RBBP6: variants seen among roughly 807,000 people sequenced by gnomAD.
RBBP6 encodes RB binding protein 6, ubiquitin ligase, also known as E3 ubiquitin-protein ligase RBBP6.
RBBP6 carries 25 observed loss-of-function variants against 167.7 expected under a neutral mutation model. That is an observed-to-expected ratio of 0.15 (90% CI 0.11 to 0.21). RBBP6 has a LOEUF of 0.21. RBBP6 is among the 10% of genes least tolerant of loss of function. The probability of loss-of-function intolerance (pLI) is 1.00; values close to 1 mark genes in which losing one functional copy is unlikely to be tolerated. For missense variants in RBBP6, 1,868 were observed against 2,134.2 expected, an observed-to-expected ratio of 0.88 and a Z score of 2.46; for synonymous variants, 789 against 735.8, an observed-to-expected ratio of 1.07 and a Z score of -1.17.
chr16:24,563,487 T>G lies in RBBP6; in HGVS notation c.1451T>G (p.Leu484Trp). Reference protein sequence around the residue: ...LLGQSLLHGQLIPTTGPVRIN... With the variant: ...LLGQSLLHGQWIPTTGPVRIN... ...GGACAGTCATTATTGCATGGACAGT[T>G]GATCCCCACAACTGGTGAGTAAGAT... Residue 484 changes from leucine to tryptophan, a missense_variant, in exon 12 of 18, where the codon TTG (leucine) becomes TGG (tryptophan). Leu to Trp is a moderately conservative substitution (Grantham distance 61). Transcript: ENST00000319715. 2 of 1,613,690 alleles carry G rather than the reference T, an allele frequency of 1.2e-6. No individual in the cohort carries two copies. The highest frequency in any genetic ancestry group is 1.7e-6 in the Non-Finnish European group (2 of 1,179,928).
chr16:24,559,428 T>G, intron 7 of RBBP6, 77 bp from the exon 8 acceptor site: 2 of 1,226,176 alleles, frequency 1.6e-6, no homozygotes, highest in Non-Finnish European at 2.3e-6. Flanking sequence ...TGTGTTCCCA[T>G]TATGTTATAG....
chr16:24,567,210 A>G lies in RBBP6; in HGVS notation c.1657A>G (p.Thr553Ala), dbSNP rs1899216107. Residue 553 changes from threonine to alanine, a missense_variant, in exon 15 of 18, where the codon ACT (threonine) becomes GCT (alanine). Thr to Ala is a moderately conservative substitution (Grantham distance 58). Transcript: ENST00000319715. ...QRTQGPSLPA[T>A]PVFVPVPPPP... ...GACTCAAGGCCCGTCACTACCAGCA[A>G]CTCCAGTCTTTGTACCTGTTCCACC... 1.2e-6 allele frequency: 2 copies of G among 1,613,754 alleles called. No individual in the cohort carries two copies. The highest frequency in any genetic ancestry group is 1.7e-6 in the Non-Finnish European group (2 of 1,179,808).
chr16:24,548,030 TCA>T (rs1898702594), intron 2 of RBBP6, among the ~76,000 whole-genome samples: 1 of 138,892 alleles, frequency 7.2e-6, no homozygotes, highest in South Asian at 2.3e-4. Context: ...AAATCAAAGC[TCA>T]GTTTTTTTTT....
At chr16:24,549,217 A>G (rs1413864831) in intron 3 of RBBP6, 2 of 1,411,054 alleles carry the variant, frequency 1.4e-6, no homozygotes, top group Admixed American at 3.0e-5. Flanking sequence ...TAAATATGAT[A>G]GCATTATCCC....
chr16:24,548,856 T>C, intron 2 of RBBP6, 89 bp from the exon 3 acceptor site: 1 of 1,069,190 alleles, frequency 9.4e-7, no homozygotes, highest in South Asian at 1.5e-5. Flanking sequence ...TTCCTAAAAA[T>C]GTATTATTGA....
rs954731821 is a variant in RBBP6 at position 24,572,391 on chromosome 16, TAAAG to T, written c.5327_5330del (p.Lys1776ArgfsTer11). 3.9e-6 allele frequency: 6 copies of T among 1,545,010 alleles called. No homozygotes were observed. The highest frequency in any genetic ancestry group is 1.4e-5 in the African/African-American group (1 of 72,130). On this transcript the variant is annotated frameshift_variant, in exon 18 of 18. Coordinates refer to ENST00000319715, the MANE Select transcript of RBBP6 (RefSeq NM_006910.5). LOFTEE classifies it high-confidence loss of function. The stretch of plus-strand genomic sequence containing the variant: ...AAAAGAAGTCAAAGAAGAACAAAGA[TAAAG>T]AGAAGGAGAAGGAGAAAGATGACCA...
intron 8 of RBBP6, among the ~76,000 whole-genome samples, chr16:24,560,328 G>A (rs549780043): frequency 7.9e-5 from 12 of 152,196 alleles, no homozygotes; most frequent in East Asian, 3.9e-4. Flanking sequence ...GGATGGTCTC[G>A]ATCTCCTGAC....
chr16:24,549,525 C>A, intron 3 of RBBP6: 2 of 276,386 alleles, frequency 7.2e-6, no homozygotes, highest in Non-Finnish European at 1.1e-5. Flanking sequence ...ATGCTTTCTC[C>A]AAGTTCAAAC....
In RBBP6 at chr16:24,553,521, C is replaced by T; in HGVS notation, c.312C>T (p.Asp104=). 6.2e-7 allele frequency: 1 copy of T among 1,610,276 alleles called. No homozygotes were observed. The highest frequency in any genetic ancestry group is 8.5e-7 in the Non-Finnish European group (1 of 1,177,346). The part of the protein sequence containing the change: ...PAMATTKAID[D]SSASISLAQL... ...TAATTTTTTGTGAACAGATTGATGA[C>T]TCTTCCGCGTCTATTTCTCTGGCCC... The change falls in exon 4 of 18, where the codon GAC becomes GAT. Residue 104 remains aspartate, a synonymous_variant. Coordinates refer to ENST00000319715, the MANE Select transcript of RBBP6 (RefSeq NM_006910.5).
intron 4 of RBBP6, chr16:24,553,871 G>T (rs552139095): frequency 5.6e-6 from 1 of 177,182 alleles, no homozygotes; most frequent in African/African-American, 2.3e-5. Context: ...GGAATTTCCT[G>T]GTTTTGGCTA....
chr16:24,564,217 T>C (rs892235572), intron 13 of RBBP6, among the ~76,000 whole-genome samples: 3 of 152,242 alleles, frequency 2.0e-5, no homozygotes, highest in Non-Finnish European at 4.4e-5. Flanking sequence ...AATGTATTTT[T>C]AGTTATATAA....
intron 1 of RBBP6, among the ~76,000 whole-genome samples, chr16:24,543,641 G>GTCAGAAT (rs1374287777): frequency 6.6e-6 from 1 of 151,958 alleles, no homozygotes; most frequent in Non-Finnish European, 1.5e-5. Context: ...AAACGCTTGG[G>GTCAGAAT]TCAGAATTCC....
chr16:24,563,026 A>G (rs903863180), intron 10 of RBBP6, among the ~76,000 whole-genome samples, 173 bp from the exon 11 acceptor site: 2 of 152,212 alleles, frequency 1.3e-5, no homozygotes, highest in South Asian at 2.1e-4. Context: ...CACTTACTAC[A>G]TATAGAGAAC....
chr16:24,545,447 C>T (rs1280057536), intron 1 of RBBP6, among the ~76,000 whole-genome samples: 1 of 152,144 alleles, frequency 6.6e-6, no homozygotes, highest in Non-Finnish European at 1.5e-5. Flanking sequence ...TGTTGCACTT[C>T]AAAACAAAAT....
At chr16:24,563,790 A>G in intron 13 of RBBP6, 126 bp downstream of exon 13, 3 of 734,186 alleles carry the variant, frequency 4.1e-6, no homozygotes, top group Non-Finnish European at 6.0e-6. Flanking sequence ...TTTATTGTAA[A>G]CTTTCATGTG....
chr16:24,568,923 C>G lies in RBBP6; in HGVS notation c.2233C>G (p.Arg745Gly). The change falls in exon 17 of 18, where the codon CGT becomes GGT. Residue 745 changes from arginine to glycine, a missense_variant. This residue lies in a region of RBBP6 where 673 missense variants were observed against 691.5 expected (regional missense o/e 0.97). Transcript: ENST00000319715. ...RRGRGKSRNY[R>G]SRSRSHGYHR... ...AGGCAGAGGCAAGAGCCGCAATTAC[C>G]GTTCACGGTCTAGATCTCATGGATA... 1 of 1,614,224 alleles carries G rather than the reference C, an allele frequency of 6.2e-7. No homozygotes were observed. The highest frequency in any genetic ancestry group is 1.1e-5 in the South Asian group (1 of 91,088).
In RBBP6 at chr16:24,570,436, G is replaced by A; in HGVS notation, c.3746G>A (p.Gly1249Glu). 1 of 1,607,282 alleles carries A rather than the reference G, an allele frequency of 6.2e-7. No homozygotes were observed. The change falls in exon 17 of 18, where the codon GGA becomes GAA. Residue 1249 changes from glycine to glutamate, a missense_variant. Coordinates refer to ENST00000319715, the MANE Select transcript of RBBP6 (RefSeq NM_006910.5). ...SSKVKQEKVK[G>E]KVRRKVTGTE... ...AAAGTTAAACAAGAAAAAGTCAAAG[G>A]AAAGGTCAGACGAAAAGTGACTGGA... is the stretch of plus-strand genomic sequence containing the variant.
intron 7 of RBBP6, among the ~76,000 whole-genome samples, chr16:24,558,062 A>C (rs1323375624): frequency 6.6e-6 from 1 of 152,220 alleles, no homozygotes; most frequent in African/African-American, 2.4e-5. Context: ...AGATGTTTCC[A>C]AATAACTTTA....
chr16:24,558,574 C>A, intron 7 of RBBP6: 1 of 834,406 alleles, frequency 1.2e-6, no homozygotes, highest in Non-Finnish European at 1.4e-6. Flanking sequence ...TCATTTTCAG[C>A]ATTGAGATAA....
Sources: allele counts gnomAD v4.1 joint callset (sites outside exome capture counted in the v4.1 genomes callset), GRCh38; gene constraint gnomAD v4.1.1; regional missense constraint gnomAD v4.1.1; transcripts MANE v1.5; gene names NCBI Gene and HGNC (gene_info 2026-07-23, HGNC 2026-07-21).